Variants in LIPG observed in about 807,000 individuals in gnomAD.
LIPG encodes the protein endothelial lipase.
A neutral mutation model predicts 51.8 loss-of-function variants in LIPG; 34 were observed. The ratio of observed to expected loss-of-function variants is 0.66; its 90% CI spans 0.50 to 0.87. The LOEUF (loss-of-function observed/expected upper bound fraction) is 0.87, where lower values mean the gene tolerates loss of function less well. LIPG is among the 40% of genes least tolerant of loss of function. LIPG has a pLI of 0.00. For missense variants in LIPG, 580 were observed against 652.7 expected, an observed-to-expected ratio of 0.89 and a Z score of 1.21; for synonymous variants, 246 against 246.1, an observed-to-expected ratio of 1.00 and a Z score of 0.00.
Position 49,590,287 on chromosome 18 carries a change from G to A in LIPG, c.1482-214G>A, listed in dbSNP as rs752221813. ...GGTCCAGAGGGTGCTGCAGTGTGGT[G>A]TTTCTCAAAGTGCATCTATGGCTTG... On this transcript the variant is annotated intron_variant, in intron 9 of 9. Transcript: ENST00000261292. 9.1e-4 allele frequency: 603 copies of A among 661,862 alleles called. 6 individuals are homozygous for A. In the Middle Eastern group the frequency reaches 9.5e-3, roughly 10 times the overall value. The allele number at this position is 661,862 out of a possible 1,614,324, so 41.0% of individuals were successfully genotyped here. A position where few individuals can be genotyped will look rare whatever the true frequency, so the allele number is the denominator to read the frequency against.
chr18:49,567,729 A>G, intron 3 of LIPG, 108 bp downstream of exon 3: 3 of 1,142,246 alleles, frequency 2.6e-6, no homozygotes, highest in Non-Finnish European at 3.7e-6. Flanking sequence ...GGAGTCTGAT[A>G]AAAATCTTTG....
chr18:49,583,746 C>G lies in LIPG; in HGVS notation c.1348C>G (p.Arg450Gly). The change falls in exon 8 of 10, where the codon CGG becomes GGG. Residue 450 changes from arginine (R) to glycine (G), a missense_variant. Transcript: ENST00000261292. ...PGRELNIRRI[R>G]VKSGETQRKL... The stretch of plus-strand genomic sequence containing the variant: ...ACGGGAGCTGAATATCAGGCGCATC[C>G]GGGTGAAGTCTGGGGAAACCCAGCG... 3 of 1,613,422 alleles carry G rather than the reference C, an allele frequency of 1.9e-6. No homozygotes were observed.
At chr18:49,564,776 C>G (rs1442255852) in intron 1 of LIPG, among the ~76,000 whole-genome samples, 1 of 152,226 alleles carries the variant, frequency 6.6e-6, no homozygotes, top group Admixed American at 6.5e-5. Flanking sequence ...CCTGAGATAA[C>G]AGGAGGCTAT....
Position 49,581,602 on chromosome 18 carries a change from G to A in LIPG, c.981G>A (p.Arg327=). 6.2e-7 allele frequency: 1 copy of A among 1,614,192 alleles called. No individual in the cohort carries two copies. Among genetic ancestry groups the A allele is most frequent in the Non-Finnish European group, 8.5e-7 (1 of 1,180,040 alleles). Residue 327 remains arginine, a synonymous_variant, in exon 6 of 10, where the codon AGG becomes AGA. Transcript: ENST00000261292. Reference sequence around the variant, plus strand: ...TTGGCTACAATGCCAAGAAAATGAGGAACAAGAGGAACAGCAAAATGTACC... The same window carrying A: ...TTGGCTACAATGCCAAGAAAATGAGAAACAAGAGGAACAGCAAAATGTACC... ...NSIGYNAKKM[R]NKRNSKMYLK...
At chr18:49,577,800 C>G (rs1255780056) in intron 5 of LIPG, among the ~76,000 whole-genome samples, 15 of 113,468 alleles carry the variant, frequency 1.3e-4, no homozygotes, top group African/African-American at 5.3e-4. Flanking sequence ...GGGGGCTGAC[C>G]CCCCCACCTC....
At chr18:49,574,544 C>T (rs146079992) in intron 4 of LIPG, among the ~76,000 whole-genome samples, 14 of 152,270 alleles carry the variant, frequency 9.2e-5, no homozygotes, top group Admixed American at 2.6e-4. Flanking sequence ...GCTACCTGTC[C>T]GTTTCCCTTA....
At chr18:49,582,316 A>T (rs1439107765) in intron 6 of LIPG, 46 bp from the exon 7 acceptor site, 2 of 1,613,690 alleles carry the variant, frequency 1.2e-6, no homozygotes, top group Non-Finnish European at 1.7e-6. Context: ...GTCTCCTGTG[A>T]TGACAAGCAA....
chr18:49,586,268 A>C (rs536595405), intron 8 of LIPG, among the ~76,000 whole-genome samples: 1 of 152,368 alleles, frequency 6.6e-6, no homozygotes, highest in South Asian at 2.1e-4. Context: ...TTTACGGAGA[A>C]GTCAACCACA....
intron 4 of LIPG, among the ~76,000 whole-genome samples, chr18:49,571,689 G>T (rs1165671613): frequency 2.6e-5 from 4 of 152,178 alleles, no homozygotes; most frequent in Non-Finnish European, 2.9e-5. Context: ...TGGACAAGGT[G>T]ATCGCAACTG....
Position 49,581,539 on chromosome 18 carries a change from G to C in LIPG, c.918G>C (p.Gly306=), listed in dbSNP as rs1354155534. ...CTGACTCCAATCGCTTCAAAAAGGG[G>C]ATCTGTCTGAGCTGCCGCAAGAACC... ...QCTDSNRFKK[G]ICLSCRKNRC... Residue 306 remains glycine (G), a synonymous_variant, in exon 6 of 10, where the codon GGG becomes GGC. Transcript: ENST00000261292. The C allele has an allele frequency of 2.5e-6, 4 of 1,614,048 alleles. No individual in the cohort carries two copies. Among genetic ancestry groups the C allele is most frequent in the East Asian group, 2.2e-5 (1 of 44,894 alleles).
intron 8 of LIPG, among the ~76,000 whole-genome samples, chr18:49,585,672 C>T (rs1293604914): frequency 3.3e-5 from 5 of 152,190 alleles, no homozygotes; most frequent in Non-Finnish European, 7.3e-5. Context: ...TGTTTCTCAG[C>T]ATGTGTTCTA....
At chr18:49,565,587 T>C (rs2084597050) in intron 2 of LIPG, 89 bp downstream of exon 2, 2 of 1,424,622 alleles carry the variant, frequency 1.4e-6, no homozygotes, top group African/African-American at 1.4e-5. Context: ...TGTTTCCAGA[T>C]TCCAAACCCT....
intron 2 of LIPG, among the ~76,000 whole-genome samples, chr18:49,566,158 C>G (rs1413414394): frequency 6.9e-6 from 1 of 144,426 alleles, no homozygotes; most frequent in East Asian, 1.9e-4. Flanking sequence ...TGGAAGGGGA[C>G]AGTCCTCCTC....
At chr18:49,584,565 C>T (rs1287209571) in intron 8 of LIPG, among the ~76,000 whole-genome samples, 2 of 152,208 alleles carry the variant, frequency 1.3e-5, no homozygotes, top group African/African-American at 4.8e-5. Flanking sequence ...GCAGCTGCCT[C>T]CCTCTTTGTC....
At chr18:49,577,641 A>G (rs868657916) in intron 5 of LIPG, among the ~76,000 whole-genome samples, 10 of 137,086 alleles carry the variant, frequency 7.3e-5, no homozygotes, top group East Asian at 2.2e-4. Context: ...CTGGCCGGGC[A>G]GGGGGCTGAC....
In LIPG at chr18:49,562,270, A is replaced by T. The variant is rs772092694; in HGVS notation, c.-39A>T. On this transcript the variant is annotated 5_prime_UTR_variant, in exon 1 of 10. Coordinates refer to ENST00000261292, the MANE Select transcript of LIPG (RefSeq NM_006033.4). ...CACCAAGAGGTGGTTTTTGTTTTTT[A>T]AAACTTCTGTTTCTTGGGAGGGGGT... 1.2e-6 allele frequency: 2 copies of T among 1,612,248 alleles called. No individual in the cohort carries two copies. The highest frequency in any genetic ancestry group is 4.5e-5 in the East Asian group (2 of 44,876).
upstream of LIPG, chr18:49,561,869 C>T (rs755991371): frequency 1.6e-6 from 2 of 1,266,730 alleles, no homozygotes; most frequent in Non-Finnish European, 9.9e-7. Flanking sequence ...GGAAGCGGGG[C>T]CGAGCGTGCG....
intron 7 of LIPG, 28 bp from the exon 8 acceptor site, chr18:49,583,528 G>A (rs1568535695): frequency 3.1e-6 from 5 of 1,603,330 alleles, no homozygotes; most frequent in Non-Finnish European, 4.3e-6. Flanking sequence ...TGTTAGGGGA[G>A]TGAGATCAGC....
intron 7 of LIPG, among the ~76,000 whole-genome samples, chr18:49,582,690 G>A (rs1274506812): frequency 1.3e-5 from 2 of 152,240 alleles, no homozygotes; most frequent in Non-Finnish European, 2.9e-5. Context: ...GTTTCGGGGA[G>A]AAAAGTTCCT....
Sources: allele counts gnomAD v4.1 joint callset (sites outside exome capture counted in the v4.1 genomes callset), GRCh38; gene constraint gnomAD v4.1.1; transcripts MANE v1.5; gene names NCBI Gene and HGNC (gene_info 2026-07-23, HGNC 2026-07-21).